Variants in THADA observed in about 807,000 individuals in gnomAD.
THADA encodes the protein THADA armadillo repeat containing.
A neutral mutation model predicts 219.8 loss-of-function variants in THADA; 213 were observed. The observed-to-expected ratio is 0.97, with a 90% CI of 0.87 to 1.09. The LOEUF (loss-of-function observed/expected upper bound fraction) is 1.09. THADA is among the 50% of genes least tolerant of loss of function. The pLI, the probability that THADA is intolerant of heterozygous loss-of-function variation, is 0.00. For missense variants in THADA, 2,956 were observed against 2,311.3 expected (o/e 1.28, Z -5.72); for synonymous variants, 1,018 against 828.9 (o/e 1.23, Z -3.92).
rs762549137 is a variant in THADA, at chr2:43,586,948, AG to A, written c.356del (p.Thr119IlefsTer8). The A allele has an allele frequency of 6.2e-7, 1 of 1,613,886 alleles. No individual in the cohort carries two copies. Among genetic ancestry groups the A allele is most frequent in the Admixed American group, 1.7e-5 (1 of 59,994 alleles). ...FFLPEAMHRFTSRLQEELNTT... is the reference protein window; with the variant it reads ...FFLPEAMHRFXSRLQEELNTT... ...TATTCAATTCTTCCTGAAGACGAGA[AG>A]TAAAACGGTGCATAGCCTCAGGTAG... On this transcript the variant is annotated frameshift_variant, in exon 5 of 38. Coordinates refer to ENST00000405975, the MANE Select transcript of THADA (RefSeq NM_022065.5). LOFTEE classifies it high-confidence loss of function.
At chr2:43,512,898 C>T (rs918116942) in intron 22 of THADA, among the ~76,000 whole-genome samples, 18 of 152,192 alleles carry the variant, frequency 1.2e-4, no homozygotes, top group Admixed American at 2.6e-4. Context: ...ACGTCTGGTA[C>T]GACACCAGGC....
chr2:43,313,788 G>A (rs915277008), intron 31 of THADA, among the ~76,000 whole-genome samples: 6 of 152,246 alleles, frequency 3.9e-5, no homozygotes, highest in African/African-American at 7.2e-5. Context: ...TTGAGTCCAC[G>A]AAGAGGGTTC....
intron 17 of THADA, among the ~76,000 whole-genome samples, chr2:43,554,829 G>A (rs1214126055): frequency 6.6e-6 from 1 of 152,076 alleles, no homozygotes; most frequent in African/African-American, 2.4e-5. Flanking sequence ...TTAATATACA[G>A]GCTAAGTACT....
At chr2:43,529,540 C>T (rs1018265266) in intron 21 of THADA, among the ~76,000 whole-genome samples, 2 of 152,076 alleles carry the variant, frequency 1.3e-5, no homozygotes, top group Admixed American at 6.6e-5. Flanking sequence ...GAAAACAAAA[C>T]GGACAATTCA....
chr2:43,235,794 T>C (rs1289232357), intron 36 of THADA, among the ~76,000 whole-genome samples: 15 of 151,706 alleles, frequency 9.9e-5, no homozygotes. Context: ...ACAGGACAGG[T>C]AGCCTCTATC....
At chr2:43,481,388 G>T (rs989530934) in intron 26 of THADA, among the ~76,000 whole-genome samples, 2 of 152,086 alleles carry the variant, frequency 1.3e-5, no homozygotes, top group Non-Finnish European at 2.9e-5. Context: ...ATTTGAATAT[G>T]AGCTCTCTTT....
chr2:43,441,134 T>C (rs1185433335), intron 26 of THADA, among the ~76,000 whole-genome samples: 1 of 152,210 alleles, frequency 6.6e-6, no homozygotes, highest in East Asian at 1.9e-4. Context: ...GACTTTGAAG[T>C]ATCAACTATG....
chr2:43,551,331 A>C (rs75050485), intron 19 of THADA, among the ~76,000 whole-genome samples: 12,726 of 152,232 alleles, frequency 0.084, 606 homozygotes, highest in South Asian at 0.14. Flanking sequence ...TGGGACCAAA[A>C]ACGTTCTCAA....
chr2:43,294,952 T>G (rs748491950), intron 31 of THADA, among the ~76,000 whole-genome samples: 11 of 152,168 alleles, frequency 7.2e-5, no homozygotes, highest in Admixed American at 1.3e-4. Flanking sequence ...CACATGTTCA[T>G]CATCTAATAG....
intron 31 of THADA, among the ~76,000 whole-genome samples, chr2:43,296,871 G>A (rs943234957): frequency 1.1e-4 from 12 of 108,604 alleles, no homozygotes; most frequent in Non-Finnish European, 2.1e-4. Flanking sequence ...CTGGAGGAGC[G>A]GACGGGCCCC....
chr2:43,554,421 A>G (rs1005653715), intron 17 of THADA, among the ~76,000 whole-genome samples: 2 of 152,188 alleles, frequency 1.3e-5, no homozygotes, highest in African/African-American at 4.8e-5. Flanking sequence ...AAAAACAGTA[A>G]ATTATTATTC....
At chr2:43,434,392 G>C (rs545121558) in intron 26 of THADA, among the ~76,000 whole-genome samples, 13 of 152,312 alleles carry the variant, frequency 8.5e-5, no homozygotes, top group African/African-American at 3.1e-4. Context: ...CACGGACCTA[G>C]GTGAAGACAG....
rs1573711086 is a variant in THADA, at chr2:43,450,445, C to A, written c.3837-20143G>T. Among the ~76,000 whole-genome samples, 3 of 151,592 alleles carry A rather than the reference C, an allele frequency of 2.0e-5. No individual in the cohort carries two copies. The East Asian group carries it at 5.8e-4, about 29-fold the overall frequency. Reference sequence around the variant, plus strand: ...TAAATTCAAATTAGAATGTTACAACCTTAGAATATTAAATTGAAACCCATG... The same window carrying A: ...TAAATTCAAATTAGAATGTTACAACATTAGAATATTAAATTGAAACCCATG... On this transcript the variant is annotated intron_variant, in intron 26 of 37. Coordinates refer to ENST00000405975, the MANE Select transcript of THADA (RefSeq NM_022065.5).
chr2:43,468,901 C>T (rs749633577), intron 26 of THADA, among the ~76,000 whole-genome samples: 3 of 152,068 alleles, frequency 2.0e-5, no homozygotes, highest in Non-Finnish European at 4.4e-5. Flanking sequence ...AAACTGAGGC[C>T]CGGGGGACTA....
intron 31 of THADA, among the ~76,000 whole-genome samples, chr2:43,308,699 C>G (rs778912207): frequency 2.2e-5 from 3 of 134,400 alleles, no homozygotes; most frequent in Admixed American, 1.7e-4. Flanking sequence ...AAGACCCTGT[C>G]TCTAGAAACG....
intron 36 of THADA, among the ~76,000 whole-genome samples, chr2:43,258,528 A>C (rs1670575711): frequency 6.6e-6 from 1 of 152,240 alleles, no homozygotes; most frequent in African/African-American, 2.4e-5. Context: ...GTCTCAAAAA[A>C]TAAATTAATA....
chr2:43,476,854 T>C (rs1422180814), intron 26 of THADA, among the ~76,000 whole-genome samples: 1 of 152,200 alleles, frequency 6.6e-6, no homozygotes. Context: ...ATGGAAATTA[T>C]GTTCTTCTGA....
chr2:43,556,344 C>T lies in THADA; in HGVS notation c.2674+1G>A, dbSNP rs771656605. ...TGATAAGAGCAAACATCAATACAAACCCATTAATGTGTTCCTTTCCACCAC... is the reference window on the plus strand; with the variant it reads ...TGATAAGAGCAAACATCAATACAAATCCATTAATGTGTTCCTTTCCACCAC... On this transcript the variant is annotated splice_donor_variant, in intron 17 of 37. Transcript: ENST00000405975. LOFTEE classifies it high-confidence loss of function. The T allele has an allele frequency of 2.5e-6, 4 of 1,613,548 alleles. No homozygotes were observed. Among genetic ancestry groups the T allele is most frequent in the Non-Finnish European group, 8.5e-7 (1 of 1,179,726 alleles).
intron 13 of THADA, 66 bp from the exon 14 acceptor site, chr2:43,570,576 G>C: frequency 6.6e-7 from 1 of 1,504,596 alleles, no homozygotes; most frequent in Non-Finnish European, 8.9e-7. Context: ...AGCCTGAGAG[G>C]CAAATTATTT....
Sources: allele counts gnomAD v4.1 joint callset (sites outside exome capture counted in the v4.1 genomes callset), GRCh38; gene constraint gnomAD v4.1.1; transcripts MANE v1.5; gene names NCBI Gene and HGNC (gene_info 2026-07-23, HGNC 2026-07-21).